Variants in SKAP2 observed in about 807,000 individuals in gnomAD.
The protein encoded by SKAP2 is src kinase-associated phosphoprotein 2.
In SKAP2, 28 loss-of-function variants were observed where a neutral mutation model predicts 54.9. The observed-to-expected ratio is 0.51, with a 90% CI of 0.38 to 0.70. SKAP2 has a LOEUF of 0.70. Ranked by LOEUF, SKAP2 falls within the 30% of genes least tolerant of loss-of-function variation. The pLI is 0.00. For synonymous variants in SKAP2, 137 were observed against 134.3 expected (o/e 1.02, Z -0.14); for missense variants, 356 against 424.1 (o/e 0.84, Z 1.41).
chr7:26,831,174 A>C (rs1784586573), intron 4 of SKAP2, among the ~76,000 whole-genome samples: 1 of 152,170 alleles, frequency 6.6e-6, no homozygotes, highest in African/African-American at 2.4e-5. Flanking sequence ...TCATGTATCA[A>C]ACACAGTGAC....
intron 9 of SKAP2, among the ~76,000 whole-genome samples, chr7:26,696,669 CT>C (rs1786901801): frequency 6.6e-6 from 1 of 152,118 alleles, no homozygotes; most frequent in Non-Finnish European, 1.5e-5. Flanking sequence ...TAATTTTCAC[CT>C]TTGACATTCT....
At chr7:26,689,344 T>G (rs972615195) in intron 10 of SKAP2, among the ~76,000 whole-genome samples, 63 of 152,194 alleles carry the variant, frequency 4.1e-4, no homozygotes, top group African/African-American at 1.4e-3. Context: ...AAGGCAGTCT[T>G]TCTCTTCTTT....
Position 26,861,151 on chromosome 7 carries a change from A to G in SKAP2, c.67+3212T>C, listed in dbSNP as rs559735193. On this transcript the variant is annotated intron_variant, in intron 1 of 12. Coordinates refer to ENST00000345317, the MANE Select transcript of SKAP2 (RefSeq NM_003930.5). ...TCTGATTGCAAGCCACTAACAAACC[A>G]TTATTTAAAGGGTGATTAAACAAAT... Among the ~76,000 whole-genome samples, 73 of 152,224 alleles carry G rather than the reference A, an allele frequency of 4.8e-4. 2 individuals carry two copies. Among genetic ancestry groups the G allele is most frequent in the Non-Finnish European group, 9.6e-4 (65 of 67,954 alleles).
chr7:26,708,737 C>T (rs1005988225), intron 9 of SKAP2, among the ~76,000 whole-genome samples: 2 of 152,144 alleles, frequency 1.3e-5, no homozygotes, highest in Admixed American at 1.3e-4. Flanking sequence ...TTATCAGTCT[C>T]TCTTCGGCCT....
At chr7:26,758,652 T>C (rs1013628267) in intron 4 of SKAP2, among the ~76,000 whole-genome samples, 2 of 152,170 alleles carry the variant, frequency 1.3e-5, no homozygotes, top group African/African-American at 4.8e-5. Flanking sequence ...ACTGAAAAGC[T>C]TTCCTGTTGT....
At chr7:26,777,210 C>T (rs1055422233) in intron 4 of SKAP2, among the ~76,000 whole-genome samples, 5 of 151,974 alleles carry the variant, frequency 3.3e-5, no homozygotes, top group East Asian at 1.9e-4. Flanking sequence ...TTCTTCAACT[C>T]CAGAGGATGA....
chr7:26,762,102 T>C (rs956448696), intron 4 of SKAP2, among the ~76,000 whole-genome samples: 2 of 152,226 alleles, frequency 1.3e-5, no homozygotes, highest in Admixed American at 1.3e-4. Flanking sequence ...ATTTAAATTA[T>C]GATATTGCAA....
intron 10 of SKAP2, among the ~76,000 whole-genome samples, chr7:26,689,200 G>C (rs1266069035): frequency 6.6e-6 from 1 of 152,110 alleles, no homozygotes; most frequent in Non-Finnish European, 1.5e-5. Context: ...TTGACAGCTT[G>C]AAAGAGTGAT....
At chr7:26,816,200 C>T (rs1056993505) in intron 4 of SKAP2, among the ~76,000 whole-genome samples, 1 of 152,112 alleles carries the variant, frequency 6.6e-6, no homozygotes. Context: ...CATCGCAAGA[C>T]ACGTTCAAAA....
chr7:26,675,705 C>T lies in SKAP2; in HGVS notation c.988-5513G>A, dbSNP rs138228966. On this transcript the variant is annotated intron_variant, in intron 11 of 12. Coordinates refer to ENST00000345317, the MANE Select transcript of SKAP2 (RefSeq NM_003930.5). ...TGTATTTTCTTTTGTGTATATTAGG[C>T]ATAGTTAAAGAATTGTAGTAGTGAC... is the stretch of plus-strand genomic sequence containing the variant. Among the ~76,000 whole-genome samples the T allele has an allele frequency of 5.6e-3, 855 of 152,272 alleles. 6 individuals carry two copies. Among genetic ancestry groups the T allele is most frequent in the African/African-American group, 0.02 (816 of 41,548 alleles).
intron 7 of SKAP2, 192 bp downstream of exon 7, chr7:26,726,690 T>C (rs1048113169): frequency 1.1e-5 from 5 of 435,830 alleles, no homozygotes; most frequent in Admixed American, 4.1e-5. Flanking sequence ...TTCAAGAAGA[T>C]AGTGTGTGAA....
intron 11 of SKAP2, among the ~76,000 whole-genome samples, chr7:26,679,382 G>A (rs995674295): frequency 6.6e-6 from 1 of 152,184 alleles, no homozygotes; most frequent in Non-Finnish European, 1.5e-5. Context: ...ATGGTGTTGT[G>A]TCCATAAACT....
intron 2 of SKAP2, 87 bp downstream of exon 2, chr7:26,854,698 C>T (rs1356450473): frequency 1.5e-6 from 2 of 1,323,766 alleles, no homozygotes; most frequent in African/African-American, 3.0e-5. Context: ...AAAAATTTAA[C>T]TCCATAATAA....
At chr7:26,728,741 T>C (rs1393554460) in intron 6 of SKAP2, among the ~76,000 whole-genome samples, 1 of 152,010 alleles carries the variant, frequency 6.6e-6, no homozygotes, top group African/African-American at 2.4e-5. Context: ...CTACGAAAAG[T>C]GGAAGTAATG....
downstream of SKAP2, among the ~76,000 whole-genome samples, chr7:26,663,644 C>T (rs1217581496): frequency 2.0e-5 from 3 of 152,024 alleles, no homozygotes; most frequent in African/African-American, 7.2e-5. Context: ...GTGTTTAAAC[C>T]AATCAATTAA....
rs528022819 is a variant in SKAP2 at position 26,748,803 on chromosome 7, T to C, written c.308-8839A>G. On this transcript the variant is annotated intron_variant, in intron 4 of 12. Transcript: ENST00000345317. ...ACTGGGTTTTAATTTAATGCATCTC[T>C]TTCCACAACAAAAGTGCCCCCAAAC... 1.5e-4 allele frequency among the ~76,000 whole-genome samples: 23 copies of C among 152,270 alleles called. No individual in the cohort carries two copies. In the South Asian group the frequency reaches 3.5e-3, roughly 23 times the overall value.
intron 4 of SKAP2, 150 bp from the exon 5 acceptor site, chr7:26,740,114 G>C: frequency 2.7e-6 from 1 of 368,860 alleles, no homozygotes. Context: ...CCATTCCCTA[G>C]ATTAATCCCC....
At chr7:26,807,156 T>C (rs550944633) in intron 4 of SKAP2, among the ~76,000 whole-genome samples, 84 of 152,304 alleles carry the variant, frequency 5.5e-4, no homozygotes, top group African/African-American at 1.9e-3. Flanking sequence ...AAAGACACTG[T>C]GAACATTGAT....
intron 11 of SKAP2, among the ~76,000 whole-genome samples, chr7:26,678,567 A>C (rs1176340580): frequency 6.6e-6 from 1 of 151,714 alleles, no homozygotes. Context: ...CAGCTTCCCA[A>C]GTAGCTGGGA....
Sources: gnomAD v4.1 joint callset for allele counts (sites outside exome capture counted in the v4.1 genomes callset) on GRCh38, gnomAD v4.1.1 for gene constraint, MANE v1.5 for transcripts, NCBI Gene and HGNC (gene_info 2026-07-23, HGNC 2026-07-21) for gene names.